CUL3: variants seen among roughly 807,000 people sequenced by gnomAD.
CUL3 encodes the protein cullin-3.
CUL3 carries 19 observed loss-of-function variants against 89.1 expected under a neutral mutation model. The ratio of observed to expected loss-of-function variants is 0.21; its 90% CI spans 0.15 to 0.31. CUL3 has a LOEUF of 0.31. Among genes scored for constraint, CUL3 ranks in the 10% least tolerant of loss-of-function variants. The probability of loss-of-function intolerance (pLI) is 1.00; values close to 1 mark genes in which losing one functional copy is unlikely to be tolerated. For synonymous variants in CUL3, 351 were observed against 308.4 expected, an observed-to-expected ratio of 1.14 and a Z score of -1.45; for missense variants, 469 against 942.3, an observed-to-expected ratio of 0.50 and a Z score of 6.58.
At chr2:224,556,705 T>C (rs1422036783) in intron 2 of CUL3, among the ~76,000 whole-genome samples, 4 of 152,186 alleles carry the variant, frequency 2.6e-5, no homozygotes, top group Admixed American at 6.5e-5. Flanking sequence ...ATTTTGATCA[T>C]TGTTCTTTGG....
chr2:224,546,006 T>C (rs1694278423), intron 2 of CUL3, among the ~76,000 whole-genome samples: 1 of 152,182 alleles, frequency 6.6e-6, no homozygotes, highest in Non-Finnish European at 1.5e-5. Context: ...TCAGGATTTC[T>C]CAATCAGTAC....
intron 2 of CUL3, among the ~76,000 whole-genome samples, chr2:224,551,869 C>T (rs949388651): frequency 3.9e-5 from 6 of 152,176 alleles, no homozygotes; most frequent in African/African-American, 1.2e-4. Context: ...TTCTTGTGAG[C>T]GCTTATTCTT....
At position 224,474,733 on chromosome 2, in the gene CUL3, AAC is replaced by A. The variant is rs531066561; in HGVS notation, c.2176-359_2176-358del. 4.6e-5 allele frequency among the ~76,000 whole-genome samples: 7 copies of A among 152,334 alleles called. No individual in the cohort carries two copies. The South Asian group carries it at 1.4e-3, about 32-fold the overall frequency. ...AACTTGGGTAGCCTATGTATTAAAG[AAC>A]ACAAACTCCGGACTCAGAGTACCTG... is the stretch of plus-strand genomic sequence containing the variant. On this transcript the variant is annotated intron_variant, in intron 15 of 15. Coordinates refer to ENST00000264414, the MANE Select transcript of CUL3 (RefSeq NM_003590.5).
At chr2:224,547,613 CAT>C (rs1410074977) in intron 2 of CUL3, among the ~76,000 whole-genome samples, 3 of 152,024 alleles carry the variant, frequency 2.0e-5, no homozygotes, top group Non-Finnish European at 4.4e-5. Context: ...GTGGCTGAAA[CAT>C]AGGAGAAACT....
intron 3 of CUL3, among the ~76,000 whole-genome samples, chr2:224,533,597 T>C (rs1693774272): frequency 6.6e-6 from 1 of 152,224 alleles, no homozygotes; most frequent in African/African-American, 2.4e-5. Flanking sequence ...AGATTACAAG[T>C]GGTTTTCTAT....
At chr2:224,510,219 G>GCTTTT (rs35677866) in intron 6 of CUL3, among the ~76,000 whole-genome samples, 1 of 105,348 alleles carries the variant, frequency 9.5e-6, no homozygotes, top group Non-Finnish European at 2.1e-5. Flanking sequence ...GATGACTTCT[G>GCTTTT]TTTTTTTTTT....
chr2:224,542,558 T>TGTGTGTGTGTGCGTGTGC (rs1694154869), intron 2 of CUL3, among the ~76,000 whole-genome samples: 1 of 146,338 alleles, frequency 6.8e-6, no homozygotes, highest in Admixed American at 6.7e-5. Flanking sequence ...TGCGTGTGCG[T>TGTGTGTGTGTGCGTGTGC]GTGTGTGTGT....
At chr2:224,511,829 T>C (rs1692837326) in intron 5 of CUL3, among the ~76,000 whole-genome samples, 1 of 152,170 alleles carries the variant, frequency 6.6e-6, no homozygotes, top group Non-Finnish European at 1.5e-5. Context: ...TGTGCCAATG[T>C]ACTCCAAAAA....
intron 1 of CUL3, chr2:224,563,251 TA>T (rs1390827702): frequency 8.5e-6 from 4 of 471,268 alleles, no homozygotes; most frequent in Non-Finnish European, 1.8e-5. Context: ...TCTTGTATAC[TA>T]CTTTTCCAGA....
intron 2 of CUL3, among the ~76,000 whole-genome samples, chr2:224,547,722 T>A (rs924787289): frequency 7.9e-5 from 12 of 152,182 alleles, no homozygotes; most frequent in African/African-American, 2.9e-4. Flanking sequence ...GCAGTCATTA[T>A]ATATTGTATA....
intron 11 of CUL3, 36 bp from the exon 12 acceptor site, chr2:224,497,885 C>A (rs1275311619): frequency 1.4e-6 from 2 of 1,464,772 alleles, no homozygotes; most frequent in Non-Finnish European, 1.9e-6. Context: ...GAAAATCAAA[C>A]AAACTTACAC....
chr2:224,509,756 A>C (rs1192811018), intron 6 of CUL3, among the ~76,000 whole-genome samples: 1 of 152,232 alleles, frequency 6.6e-6, no homozygotes, highest in Non-Finnish European at 1.5e-5. Flanking sequence ...CCTATCCCCT[A>C]AGGTAGGTAA....
At chr2:224,566,126 C>A (rs1028571192) in intron 1 of CUL3, among the ~76,000 whole-genome samples, 1 of 152,170 alleles carries the variant, frequency 6.6e-6, no homozygotes, top group Non-Finnish European at 1.5e-5. Flanking sequence ...GATACCACTT[C>A]AACACCTTCA....
intron 14 of CUL3, among the ~76,000 whole-genome samples, chr2:224,481,218 A>G (rs1451529812): frequency 6.6e-6 from 1 of 152,078 alleles, no homozygotes; most frequent in Admixed American, 6.6e-5. Flanking sequence ...TAATGAATAT[A>G]TTAGTACTAG....
intron 2 of CUL3, among the ~76,000 whole-genome samples, chr2:224,550,611 T>C (rs920573151): frequency 1.3e-5 from 2 of 152,198 alleles, no homozygotes; most frequent in African/African-American, 4.8e-5. Flanking sequence ...TTAAATCACC[T>C]AGCCTAGCCA....
intron 6 of CUL3, 92 bp downstream of exon 6, chr2:224,511,262 G>A (rs1177040347): frequency 2.3e-6 from 2 of 872,792 alleles, no homozygotes; most frequent in Non-Finnish European, 3.5e-6. Flanking sequence ...CTTCTTGAAA[G>A]CTGATATTAT....
At chr2:224,563,396 G>T in intron 1 of CUL3, 2 of 356,748 alleles carry the variant, frequency 5.6e-6, no homozygotes. Context: ...AACTTAAGAG[G>T]GATTCCAGAG....
intron 2 of CUL3, among the ~76,000 whole-genome samples, chr2:224,543,933 C>T (rs532617810): frequency 2.6e-5 from 4 of 151,856 alleles, no homozygotes; most frequent in East Asian, 3.9e-4. Flanking sequence ...TGCAGTGAGC[C>T]GAGATCATGC....
chr2:224,555,106 A>G (rs542373365), intron 2 of CUL3, among the ~76,000 whole-genome samples: 4 of 152,146 alleles, frequency 2.6e-5, no homozygotes, highest in African/African-American at 9.7e-5. Context: ...CAAACATACG[A>G]TATCTCTACT....
Sources: gnomAD v4.1 joint callset for allele counts (sites outside exome capture counted in the v4.1 genomes callset) on GRCh38, gnomAD v4.1.1 for gene constraint, MANE v1.5 for transcripts, NCBI Gene and HGNC (gene_info 2026-07-23, HGNC 2026-07-21) for gene names.